RIMS2: variants seen among roughly 807,000 people sequenced by gnomAD.
RIMS2 encodes regulating synaptic membrane exocytosis 2.
RIMS2 carries 59 observed loss-of-function variants against 174.4 expected under a neutral mutation model. That is an observed-to-expected ratio of 0.34 (90% CI 0.27 to 0.42). The LOEUF is 0.42. RIMS2 is among the 10% of genes least tolerant of loss of function. RIMS2 has a pLI of 1.00. For missense variants in RIMS2, 1,620 were observed against 1,666.3 expected, an observed-to-expected ratio of 0.97 and a Z score of 0.48; for synonymous variants, 606 against 572.5, an observed-to-expected ratio of 1.06 and a Z score of -0.84.
intron 1 of RIMS2, among the ~76,000 whole-genome samples, chr8:103,589,722 A>C (rs1385149258): frequency 2.6e-5 from 4 of 151,632 alleles, no homozygotes; most frequent in African/African-American, 7.2e-5. Context: ...ATTGTGATAT[A>C]TATGCAAAAT....
At chr8:104,250,039 T>C (rs1465577883) in intron 22 of RIMS2, among the ~76,000 whole-genome samples, 1 of 152,200 alleles carries the variant, frequency 6.6e-6, no homozygotes, top group Non-Finnish European at 1.5e-5. Context: ...ATATTCTAAT[T>C]ATAAGACTTT....
chr8:104,223,768 G>C (rs1251066740), intron 19 of RIMS2: 2 of 1,596,182 alleles, frequency 1.3e-6, no homozygotes, highest in Admixed American at 1.7e-5. Context: ...TTCCCTGCAT[G>C]AACTCCCTGG....
At chr8:104,178,328 C>T (rs57992869) in intron 19 of RIMS2, among the ~76,000 whole-genome samples, 30,959 of 152,110 alleles carry the variant, frequency 0.2, 3,418 homozygotes, top group Middle Eastern at 0.27. Context: ...TCATTGTCAG[C>T]TCCTAGAGCT....
chr8:103,765,659 G>T (rs549123515), intron 2 of RIMS2, among the ~76,000 whole-genome samples: 3 of 151,818 alleles, frequency 2.0e-5, no homozygotes, highest in Non-Finnish European at 4.4e-5. Flanking sequence ...GCCCCCTTAA[G>T]AATATAATTG....
intron 19 of RIMS2, among the ~76,000 whole-genome samples, chr8:104,208,456 T>C (rs1257190472): frequency 2.0e-5 from 3 of 151,786 alleles, no homozygotes; most frequent in South Asian, 4.1e-4. Flanking sequence ...TAATCCCAGC[T>C]ACTCGGGAGT....
intron 1 of RIMS2, among the ~76,000 whole-genome samples, chr8:103,628,651 G>T (rs975444224): frequency 2.0e-5 from 3 of 151,636 alleles, no homozygotes; most frequent in East Asian, 1.9e-4. Flanking sequence ...TTACAGGTGT[G>T]AGCCACTGTG....
chr8:103,852,022 T>C (rs990733452), intron 3 of RIMS2, among the ~76,000 whole-genome samples: 2 of 151,990 alleles, frequency 1.3e-5, no homozygotes, highest in African/African-American at 4.8e-5. Flanking sequence ...TCCACTGCAG[T>C]TTCCGTATTC....
At chr8:103,878,578 C>A (rs1005295448) in intron 3 of RIMS2, among the ~76,000 whole-genome samples, 1 of 151,786 alleles carries the variant, frequency 6.6e-6, no homozygotes, top group Non-Finnish European at 1.5e-5. Flanking sequence ...GTGATACTGG[C>A]TTCATAGCAT....
intron 19 of RIMS2, among the ~76,000 whole-genome samples, chr8:104,230,432 G>T (rs892876127): frequency 2.0e-5 from 3 of 152,074 alleles, no homozygotes; most frequent in African/African-American, 7.2e-5. Flanking sequence ...GATCGCCTGA[G>T]GTCAGGAATT....
At position 104,069,432 on chromosome 8, in the gene RIMS2, A is replaced by C. The variant is rs1237640815; in HGVS notation, c.3334+54817A>C. Among the ~76,000 whole-genome samples, 3 of 151,630 alleles carry C rather than the reference A, an allele frequency of 2.0e-5. 1 individual carries two copies. Among genetic ancestry groups the C allele is most frequent in the Non-Finnish European group, 4.4e-5 (3 of 67,938 alleles). On this transcript the variant is annotated intron_variant, in intron 19 of 23. Transcript: ENST00000504942. ...AATAAGTTGAAGTATGAGGTCTACCAAGGGAGGAAATAAAGTATTAATTAA... is the reference window on the plus strand; with the variant it reads ...AATAAGTTGAAGTATGAGGTCTACCCAGGGAGGAAATAAAGTATTAATTAA...
intron 1 of RIMS2, among the ~76,000 whole-genome samples, chr8:103,545,119 A>C (rs2131373753): frequency 1.3e-5 from 2 of 152,354 alleles, no homozygotes; most frequent in South Asian, 2.1e-4. Context: ...AGAAAGATGA[A>C]ACTCAATCCA....
chr8:103,816,716 G>C (rs978268688), intron 3 of RIMS2, among the ~76,000 whole-genome samples: 2 of 152,108 alleles, frequency 1.3e-5, no homozygotes, highest in Admixed American at 6.6e-5. Context: ...GAAGAAAGCT[G>C]CTCACTAGCA....
At chr8:103,967,525 C>T (rs1381032399) in intron 15 of RIMS2, among the ~76,000 whole-genome samples, 3 of 149,758 alleles carry the variant, frequency 2.0e-5, no homozygotes, top group African/African-American at 7.4e-5. Flanking sequence ...CAGGGTCTGG[C>T]TCTGTCACCC....
At chr8:104,233,267 G>C (rs2099241111) in intron 19 of RIMS2, among the ~76,000 whole-genome samples, 1 of 152,066 alleles carries the variant, frequency 6.6e-6, no homozygotes, top group African/African-American at 2.4e-5. Flanking sequence ...TCGAAATCTA[G>C]AATCTTTGAG....
intron 1 of RIMS2, among the ~76,000 whole-genome samples, chr8:103,624,870 G>GATAC (rs35806731): frequency 0.18 from 27,818 of 151,710 alleles, 2,776 homozygotes; most frequent in African/African-American, 0.26. Flanking sequence ...AATATTTACA[G>GATAC]ATACATACAT....
At chr8:103,731,152 TG>T (rs2097588100) in intron 2 of RIMS2, among the ~76,000 whole-genome samples, 1 of 152,132 alleles carries the variant, frequency 6.6e-6, no homozygotes, top group African/African-American at 2.4e-5. Flanking sequence ...CTATGATACA[TG>T]GGAATTGTGG....
At chr8:104,252,942 G>T (rs1312391844), downstream of RIMS2, 3 of 152,036 alleles carry the variant, frequency 2.0e-5, no homozygotes, top group African/African-American at 4.8e-5. Context: ...CATACCCCAT[G>T]TTTGATTCAG....
At chr8:104,037,804 TATATGTAG>T (rs1330859459) in intron 19 of RIMS2, among the ~76,000 whole-genome samples, 8 of 152,260 alleles carry the variant, frequency 5.3e-5, no homozygotes, top group African/African-American at 1.7e-4. Context: ...TTAATATCTA[TATATGTAG>T]ATATGTAGAT....
At chr8:103,935,784 G>A (rs1415085101) in intron 12 of RIMS2, among the ~76,000 whole-genome samples, 1 of 152,102 alleles carries the variant, frequency 6.6e-6, no homozygotes, top group Non-Finnish European at 1.5e-5. Context: ...ATATTTGAAT[G>A]TTTAAAAATT....
Sources: gnomAD v4.1 joint callset for allele counts (sites outside exome capture counted in the v4.1 genomes callset) on GRCh38, gnomAD v4.1.1 for gene constraint, MANE v1.5 for transcripts, NCBI Gene and HGNC (gene_info 2026-07-23, HGNC 2026-07-21) for gene names.